The following VSIG10 variants were observed in gnomAD, a reference collection of about 807,000 sequenced individuals.
The protein encoded by VSIG10 is V-set and immunoglobulin domain containing 10.
In VSIG10, 48 loss-of-function variants were observed where a neutral mutation model predicts 58.7. The ratio of observed to expected loss-of-function variants is 0.82; its 90% CI spans 0.65 to 1.04. The LOEUF is 1.04. Among genes scored for constraint, VSIG10 ranks in the 50% least tolerant of loss-of-function variants. The pLI, the probability that VSIG10 is intolerant of heterozygous loss-of-function variation, is 0.00. For synonymous variants in VSIG10, 260 were observed against 267.1 expected (o/e 0.97, Z 0.26); for missense variants, 628 against 670.0 (o/e 0.94, Z 0.69).
intron 7 of VSIG10, among the ~76,000 whole-genome samples, chr12:118,069,859 G>A (rs1345783064): frequency 2.6e-5 from 4 of 152,186 alleles, no homozygotes; most frequent in African/African-American, 7.2e-5. Flanking sequence ...GGCTCAGAAA[G>A]GGTCAGGGAT....
chr12:118,069,339 C>T (rs1332623851), intron 7 of VSIG10, among the ~76,000 whole-genome samples: 4 of 151,912 alleles, frequency 2.6e-5, no homozygotes, highest in East Asian at 1.9e-4. Flanking sequence ...ATCCAACCAC[C>T]TTGGCCTCCC....
intron 2 of VSIG10, among the ~76,000 whole-genome samples, chr12:118,095,147 C>T (rs984381421): frequency 6.6e-6 from 1 of 152,132 alleles, no homozygotes; most frequent in African/African-American, 2.4e-5. Flanking sequence ...TTGTGACCCG[C>T]CCACCTTGGC....
intron 7 of VSIG10, 137 bp downstream of exon 7, chr12:118,070,915 T>C (rs1279752607): frequency 9.8e-7 from 1 of 1,018,814 alleles, no homozygotes; most frequent in African/African-American, 1.6e-5. Context: ...CCTGATGAAA[T>C]CCCTAGGCCA....
chr12:118,074,272 C>T (rs1692410624), intron 4 of VSIG10, among the ~76,000 whole-genome samples: 1 of 151,862 alleles, frequency 6.6e-6, no homozygotes, highest in African/African-American at 2.4e-5. Context: ...TTAGTAGAGA[C>T]AGGGTTTCAC....
In VSIG10 at chr12:118,065,268, G is replaced by C. The variant is rs544476051; in HGVS notation, c.*1371C>G. The stretch of plus-strand genomic sequence containing the variant: ...AGCAATTCTTATCACCAGATACTCC[G>C]TTATTAAACGTGTCTCCTGCCTTCT... On this transcript the variant is annotated 3_prime_UTR_variant, in exon 9 of 9. Coordinates refer to ENST00000359236, the MANE Select transcript of VSIG10 (RefSeq NM_019086.6). 1 of 152,340 alleles carries C rather than the reference G, an allele frequency of 6.6e-6. No individual in the cohort carries two copies. The highest frequency in any genetic ancestry group is 1.5e-5 in the Non-Finnish European group (1 of 68,032). The allele number at this position is 152,340 out of a possible 1,614,324, so 9.4% of individuals were successfully genotyped here. A position where few individuals can be genotyped will look rare whatever the true frequency, so the allele number is the denominator to read the frequency against.
intron 4 of VSIG10, among the ~76,000 whole-genome samples, chr12:118,075,164 ATATATATGTATATATGTG>A (rs1566159835): frequency 8.1e-6 from 1 of 123,924 alleles, no homozygotes; most frequent in African/African-American, 3.2e-5. Flanking sequence ...ATATATATGT[ATATATATGTATATATGTG>A]TGTATATATA....
rs1331258146 is a variant in VSIG10 at position 118,080,823 on chromosome 12, A to G, written c.665-1217T>C. 9.2e-5 allele frequency among the ~76,000 whole-genome samples: 14 copies of G among 152,330 alleles called. No individual in the cohort carries two copies. In the South Asian group the frequency reaches 2.7e-3, roughly 29 times the overall value. ...TTCATATGAAGTGTACAGAACAGGC[A>G]AACCCACAGGGACAGAATGCGGATT... On this transcript the variant is annotated intron_variant, in intron 3 of 8. Coordinates refer to ENST00000359236, the MANE Select transcript of VSIG10 (RefSeq NM_019086.6).
At position 118,075,685 on chromosome 12, in the gene VSIG10, CTT is replaced by C. The variant is rs749041651; in HGVS notation, c.926-1695_926-1694del. On this transcript the variant is annotated intron_variant, in intron 4 of 8. Coordinates refer to ENST00000359236, the MANE Select transcript of VSIG10 (RefSeq NM_019086.6). ...CAGAAATTTCTCCACCACACCTCGT[CTT>C]ACATCATAATAAGCCTAAGATTACT... 5.3e-5 allele frequency among the ~76,000 whole-genome samples: 8 copies of C among 152,272 alleles called. No homozygotes were observed. The East Asian group carries it at 7.7e-4, about 15-fold the overall frequency.
rs368468021 is a variant in VSIG10, at chr12:118,082,157, G to C, written c.634C>G (p.Arg212Gly). The change falls in exon 3 of 9, where the codon CGA becomes GGA. Residue 212 changes from arginine (R) to glycine (G), a missense_variant. Arg to Gly is a moderately radical substitution (Grantham distance 125). Coordinates refer to ENST00000359236, the MANE Select transcript of VSIG10 (RefSeq NM_019086.6). ...LALNQLSKRH[R>G]KVTTELLVYY... ...ACCAGGAGCTCGGTGGTCACCTTTC[G>C]ATGTCTCTTGCTGAGCTGATTCAAG... 6.2e-7 allele frequency: 1 copy of C among 1,613,764 alleles called. No homozygotes were observed. Among genetic ancestry groups the C allele is most frequent in the Non-Finnish European group, 8.5e-7 (1 of 1,179,834 alleles).
At chr12:118,093,327 G>A (rs1566175424) in intron 2 of VSIG10, among the ~76,000 whole-genome samples, 1 of 151,592 alleles carries the variant, frequency 6.6e-6, no homozygotes, top group Non-Finnish European at 1.5e-5. Flanking sequence ...TAATCTGCAG[G>A]CCATACAACA....
At chr12:118,103,497 T>A in intron 1 of VSIG10, 96 bp downstream of exon 1, 2 of 1,275,564 alleles carry the variant, frequency 1.6e-6, no homozygotes, top group Non-Finnish European at 2.1e-6. Flanking sequence ...CCACCACGGA[T>A]CCGGGCGGAG....
At chr12:118,097,649 G>A (rs1010590820) in intron 1 of VSIG10, among the ~76,000 whole-genome samples, 1 of 151,040 alleles carries the variant, frequency 6.6e-6, no homozygotes, top group Non-Finnish European at 1.5e-5. Context: ...CAAACAAAAG[G>A]CCGGGCTCCA....
intron 5 of VSIG10, among the ~76,000 whole-genome samples, chr12:118,072,460 G>A (rs1408388624): frequency 2.2e-5 from 3 of 138,172 alleles, no homozygotes; most frequent in East Asian, 2.4e-4. Flanking sequence ...GCAAGACTCC[G>A]TCTCAAAAAA....
rs1208586145 is a variant in VSIG10, at chr12:118,071,382, T to C, written c.1307A>G (p.Tyr436Cys). The C allele has an allele frequency of 6.2e-7, 1 of 1,613,846 alleles. No homozygotes were observed. The highest frequency in any genetic ancestry group is 8.5e-7 in the Non-Finnish European group (1 of 1,179,836). ...ACCTTTCCAGCAGAACACAGGGCTA[T>C]AATGCAACAGAAGCCCTGAGATAAT... ...LAIISGLLLH[Y>C]SPVFCWKVGN... is the part of the protein sequence containing the mutation. Residue 436 changes from tyrosine (Y) to cysteine (C), a missense_variant, in exon 6 of 9, where the codon TAT becomes TGT. Tyr to Cys is a radical substitution (Grantham distance 194, BLOSUM62 -2). Transcript: ENST00000359236.
In VSIG10 at chr12:118,066,613, A is replaced by G; in HGVS notation, c.*26T>C. 6.2e-7 allele frequency: 1 copy of G among 1,613,582 alleles called. No homozygotes were observed. Among genetic ancestry groups the G allele is most frequent in the Non-Finnish European group, 8.5e-7 (1 of 1,179,576 alleles). ...ATGTAGCTCTCCAAGCTTTCAGAGC[A>G]AGACAACCATGGACCATCCTCTTCT... On this transcript the variant is annotated 3_prime_UTR_variant, in exon 9 of 9. Transcript: ENST00000359236.
In VSIG10 at chr12:118,082,184, C is replaced by T. The variant is rs1362457747; in HGVS notation, c.607G>A (p.Ala203Thr). 6.2e-7 allele frequency: 1 copy of T among 1,613,934 alleles called. No homozygotes were observed. The highest frequency in any genetic ancestry group is 1.3e-5 in the African/African-American group (1 of 75,022). ...PNLQGNYTCLALNQLSKRHRK... is the reference protein window; with the variant it reads ...PNLQGNYTCLTLNQLSKRHRK... ...TGTCTCTTGCTGAGCTGATTCAAGG[C>T]TAAACAGGTGTAGTTCCCTTGGAGG... The change falls in exon 3 of 9, where the codon GCC becomes ACC. Residue 203 changes from alanine (A) to threonine (T), a missense_variant. Coordinates refer to ENST00000359236, the MANE Select transcript of VSIG10 (RefSeq NM_019086.6).
At chr12:118,086,797 G>A (rs1008778128) in intron 2 of VSIG10, among the ~76,000 whole-genome samples, 5 of 152,180 alleles carry the variant, frequency 3.3e-5, no homozygotes, top group Non-Finnish European at 1.5e-5. Flanking sequence ...GTCTCACTCT[G>A]TCACCCAGGC....
At chr12:118,103,356 C>A (rs2033668156) in intron 1 of VSIG10, among the ~76,000 whole-genome samples, 1 of 152,066 alleles carries the variant, frequency 6.6e-6, no homozygotes, top group African/African-American at 2.4e-5. Flanking sequence ...TGCAGCCTCA[C>A]CGGCTGCCCA....
At chr12:118,073,666 C>A in intron 5 of VSIG10, 33 bp downstream of exon 5, 1 of 1,552,074 alleles carries the variant, frequency 6.4e-7, no homozygotes. Flanking sequence ...AGCTCTGAAC[C>A]CTCCCTCCTT....
Sources: gnomAD v4.1 joint callset for allele counts (sites outside exome capture counted in the v4.1 genomes callset) on GRCh38, gnomAD v4.1.1 for gene constraint, MANE v1.5 for transcripts, NCBI Gene and HGNC (gene_info 2026-07-23, HGNC 2026-07-21) for gene names.